Variants in ATXN7L1 observed in about 807,000 individuals in gnomAD.
ATXN7L1 encodes the protein ataxin 7 like 1.
In ATXN7L1, 15 loss-of-function variants were observed where a neutral mutation model predicts 70.8. The ratio of observed to expected loss-of-function variants is 0.21; its 90% CI spans 0.14 to 0.33. The LOEUF is 0.33. Among genes scored for constraint, ATXN7L1 ranks in the 10% least tolerant of loss-of-function variants. ATXN7L1 has a pLI of 1.00. For missense variants in ATXN7L1, 975 were observed against 1,097.1 expected (o/e 0.89, Z 1.57); for synonymous variants, 440 against 445.1 (o/e 0.99, Z 0.14).
intron 2 of ATXN7L1, among the ~76,000 whole-genome samples, chr7:105,843,086 G>A (rs981433712): frequency 1.3e-5 from 2 of 152,316 alleles, no homozygotes; most frequent in African/African-American, 2.4e-5. Flanking sequence ...TGCAGGCAGA[G>A]CAAGCTGATC....
intron 4 of ATXN7L1, among the ~76,000 whole-genome samples, chr7:105,655,376 G>C (rs1295496185): frequency 1.3e-5 from 2 of 152,154 alleles, no homozygotes; most frequent in African/African-American, 4.8e-5. Context: ...CTTCTACTCT[G>C]TAGGCAAACA....
intron 3 of ATXN7L1, among the ~76,000 whole-genome samples, chr7:105,745,286 G>A (rs958506244): frequency 2.6e-5 from 4 of 152,058 alleles, no homozygotes; most frequent in Non-Finnish European, 4.4e-5. Flanking sequence ...ATATATAGGG[G>A]AGGGGGTGGA....
At position 105,873,449 on chromosome 7, in the gene ATXN7L1, C is replaced by G. The variant is rs900191043; in HGVS notation, c.250+2363G>C. ...ATCACTCCAAAAAGAGGGCCCATGG[C>G]AAGCATTACTGGAGATCCAGGTAAC... is the stretch of plus-strand genomic sequence containing the variant. On this transcript the variant is annotated intron_variant, in intron 2 of 11. Coordinates refer to ENST00000419735, the MANE Select transcript of ATXN7L1 (RefSeq NM_020725.2). Among the ~76,000 whole-genome samples the G allele has an allele frequency of 3.3e-5, 5 of 152,320 alleles. No individual in the cohort carries two copies. The East Asian group carries it at 9.6e-4, about 29-fold the overall frequency.
intron 3 of ATXN7L1, among the ~76,000 whole-genome samples, chr7:105,669,030 G>A (rs977275808): frequency 1.3e-5 from 2 of 152,096 alleles, no homozygotes; most frequent in African/African-American, 4.8e-5. Flanking sequence ...TTACAGGTGA[G>A]CTACCACATC....
intron 3 of ATXN7L1, chr7:105,761,150 T>C (rs78515385): frequency 0.024 from 30,259 of 1,247,838 alleles, 411 homozygotes; most frequent in Middle Eastern, 0.032. Context: ...ACCAGCTTTG[T>C]GGTGGTGAAA....
At chr7:105,799,403 G>C (rs1282085430) in intron 2 of ATXN7L1, among the ~76,000 whole-genome samples, 1 of 152,126 alleles carries the variant, frequency 6.6e-6, no homozygotes, top group Non-Finnish European at 1.5e-5. Context: ...CAGAGATGAA[G>C]AAGAGACACA....
At chr7:105,726,655 T>C (rs1795851610) in intron 3 of ATXN7L1, among the ~76,000 whole-genome samples, 2 of 152,186 alleles carry the variant, frequency 1.3e-5, no homozygotes, top group South Asian at 2.1e-4. Flanking sequence ...AAGGGCATCC[T>C]AGTCCAGCCC....
intron 4 of ATXN7L1, among the ~76,000 whole-genome samples, chr7:105,663,575 C>T (rs1008022522): frequency 6.6e-6 from 1 of 152,254 alleles, no homozygotes; most frequent in Non-Finnish European, 1.5e-5. Context: ...CTTCTCAAGG[C>T]TTGAAAGATA....
At chr7:105,814,844 A>G (rs1808955992) in intron 2 of ATXN7L1, among the ~76,000 whole-genome samples, 1 of 152,270 alleles carries the variant, frequency 6.6e-6, no homozygotes. Context: ...TCTTTAAATA[A>G]GAAGAGAATG....
At chr7:105,800,934 C>T (rs978256762) in intron 2 of ATXN7L1, among the ~76,000 whole-genome samples, 3 of 152,242 alleles carry the variant, frequency 2.0e-5, no homozygotes, top group Non-Finnish European at 4.4e-5. Flanking sequence ...CAAAGGAACA[C>T]TATTTTACAG....
intron 2 of ATXN7L1, among the ~76,000 whole-genome samples, chr7:105,794,588 A>G (rs1447711373): frequency 1.3e-5 from 2 of 152,220 alleles, no homozygotes; most frequent in African/African-American, 2.4e-5. Flanking sequence ...TTCATCATGT[A>G]CCATACTGGG....
At chr7:105,761,552 C>G in intron 3 of ATXN7L1, 1 of 1,517,316 alleles carries the variant, frequency 6.6e-7, no homozygotes, top group Non-Finnish European at 9.0e-7. Context: ...TTACTCATGC[C>G]AATTGCCATG....
At chr7:105,727,777 T>TACACAC (rs1274006496) in intron 3 of ATXN7L1, among the ~76,000 whole-genome samples, 7 of 90,244 alleles carry the variant, frequency 7.8e-5, no homozygotes, top group African/African-American at 4.3e-4. Context: ...TATATATATA[T>TACACAC]ACACACACAT....
intron 3 of ATXN7L1, among the ~76,000 whole-genome samples, chr7:105,677,173 A>G (rs972687334): frequency 6.6e-6 from 1 of 152,212 alleles, no homozygotes; most frequent in Non-Finnish European, 1.5e-5. Context: ...TGATTTTTTA[A>G]AAGGTCCTGA....
At chr7:105,866,112 A>C (rs1397140714) in intron 2 of ATXN7L1, among the ~76,000 whole-genome samples, 1 of 151,784 alleles carries the variant, frequency 6.6e-6, no homozygotes, top group East Asian at 1.9e-4. Context: ...CCACCCCAGG[A>C]CTCTGTGGCC....
Position 105,831,846 on chromosome 7 carries a change from C to T in ATXN7L1, c.251-43138G>A, listed in dbSNP as rs1279485839. Among the ~76,000 whole-genome samples, 3 of 152,136 alleles carry T rather than the reference C, an allele frequency of 2.0e-5. No homozygotes were observed. In the East Asian group the frequency reaches 5.8e-4, roughly 29 times the overall value. ...CTTGAGAACAGGGATGTGGGGTGGG[C>T]TAGGCATGGGAAGCTTGGTGGGAAC... is the stretch of plus-strand genomic sequence containing the variant. On this transcript the variant is annotated intron_variant, in intron 2 of 11. Coordinates refer to ENST00000419735, the MANE Select transcript of ATXN7L1 (RefSeq NM_020725.2).
chr7:105,832,470 A>G (rs974851879), intron 2 of ATXN7L1, among the ~76,000 whole-genome samples: 1 of 152,244 alleles, frequency 6.6e-6, no homozygotes, highest in Non-Finnish European at 1.5e-5. Flanking sequence ...GTTTGATGAC[A>G]GGTGACGCCC....
At chr7:105,712,879 T>C (rs1380132226) in intron 3 of ATXN7L1, among the ~76,000 whole-genome samples, 1 of 152,252 alleles carries the variant, frequency 6.6e-6, no homozygotes, top group African/African-American at 2.4e-5. Flanking sequence ...GGTATCTTTA[T>C]AGCAGTGTTT....
chr7:105,626,841 A>T (rs1435808601), intron 7 of ATXN7L1, among the ~76,000 whole-genome samples: 1 of 152,244 alleles, frequency 6.6e-6, no homozygotes, highest in Non-Finnish European at 1.5e-5. Context: ...ATCCTTCCAG[A>T]CGTTGTTACT....
Sources: gnomAD v4.1 joint callset for allele counts (sites outside exome capture counted in the v4.1 genomes callset) on GRCh38, gnomAD v4.1.1 for gene constraint, MANE v1.5 for transcripts, NCBI Gene and HGNC (gene_info 2026-07-23, HGNC 2026-07-21) for gene names.